Variants in GSTCD observed in about 807,000 individuals in gnomAD.
GSTCD encodes the protein glutathione S-transferase C-terminal domain containing.
A neutral mutation model predicts 68.3 loss-of-function variants in GSTCD; 44 were observed. The observed-to-expected ratio is 0.64, with a 90% CI of 0.51 to 0.83. The LOEUF is 0.83. Among genes scored for constraint, GSTCD ranks in the 40% least tolerant of loss-of-function variants. GSTCD has a pLI of 0.00. For synonymous variants in GSTCD, 273 were observed against 255.2 expected (o/e 1.07, Z -0.67); for missense variants, 739 against 735.9 (o/e 1.00, Z -0.05).
At chr4:105,767,928 ATG>A (rs202089389) in intron 5 of GSTCD, among the ~76,000 whole-genome samples, 157 of 47,946 alleles carry the variant, frequency 3.3e-3, no homozygotes, top group Non-Finnish European at 5.8e-3. Context: ...TGAGAAAATG[ATG>A]TGTTTTTTTT....
rs374790082 is a variant in GSTCD, at chr4:105,746,183, A to T, written c.1240+16684A>T. 45 of 152,316 alleles carry T rather than the reference A, an allele frequency of 3.0e-4. No homozygotes were observed. In the East Asian group the frequency reaches 4.4e-3, roughly 15 times the overall value. The allele number at this position is 152,316 out of a possible 1,614,324, so 9.4% of individuals were successfully genotyped here. On this transcript the variant is annotated intron_variant, in intron 5 of 11. Coordinates refer to ENST00000515279, the MANE Select transcript of GSTCD (RefSeq NM_001370181.1). Reference sequence around the variant, plus strand: ...AATAACCTAAACAGTTGATTGACACATATTTTATATGTTATATGTATTATA... The same window carrying T: ...AATAACCTAAACAGTTGATTGACACTTATTTTATATGTTATATGTATTATA...
chr4:105,749,948 A>AT (rs1733949864), intron 5 of GSTCD, among the ~76,000 whole-genome samples: 4 of 152,196 alleles, frequency 2.6e-5, no homozygotes, highest in Non-Finnish European at 5.9e-5. Flanking sequence ...TTGGATCAAG[A>AT]TATATAAAGA....
chr4:105,776,183 A>ACAC (rs962794933), intron 5 of GSTCD, among the ~76,000 whole-genome samples: 3 of 152,140 alleles, frequency 2.0e-5, no homozygotes, highest in African/African-American at 7.2e-5. Context: ...GTAATGGCAG[A>ACAC]CACCACTCCC....
chr4:105,736,785 A>T (rs889156421), intron 5 of GSTCD, among the ~76,000 whole-genome samples: 4 of 152,120 alleles, frequency 2.6e-5, no homozygotes, highest in Non-Finnish European at 4.4e-5. Context: ...CTCTAATTCT[A>T]TGAGACCAAC....
At chr4:105,819,453 A>G (rs1335575021) in intron 5 of GSTCD, among the ~76,000 whole-genome samples, 3 of 151,798 alleles carry the variant, frequency 2.0e-5, no homozygotes, top group African/African-American at 7.2e-5. Context: ...AACAGAAACT[A>G]TGTCTTCTTA....
At chr4:105,747,878 A>C (rs932699816) in intron 5 of GSTCD, among the ~76,000 whole-genome samples, 11 of 91,634 alleles carry the variant, frequency 1.2e-4, no homozygotes, top group African/African-American at 4.8e-4. Context: ...TCAGGTTGAC[A>C]GTGTAAACAG....
In GSTCD at chr4:105,719,369, C is replaced by G; in HGVS notation, c.736C>G (p.Leu246Val). 1.9e-6 allele frequency: 3 copies of G among 1,614,118 alleles called. No homozygotes were observed. The East Asian group carries it at 6.7e-5, about 36-fold the overall frequency. The change falls in exon 3 of 12, where the codon CTC (leucine) becomes GTC (valine). Residue 246 changes from leucine to valine, a missense_variant. By Grantham distance (32) the Leu-to-Val change is conservative. Coordinates refer to ENST00000515279, the MANE Select transcript of GSTCD (RefSeq NM_001370181.1). ...SLELKVAFSKLTVQEEPATTN... is the reference protein window; with the variant it reads ...SLELKVAFSKVTVQEEPATTN... ...GGAACTGAAAGTGGCATTCTCAAAG[C>G]TCACAGTACAGGAAGAACCAGCTAC...
chr4:105,712,866 A>G (rs993722738), intron 1 of GSTCD, among the ~76,000 whole-genome samples: 5 of 152,184 alleles, frequency 3.3e-5, no homozygotes, highest in Admixed American at 2.0e-4. Context: ...TTAGAAAAAC[A>G]TCCACATGGA....
At chr4:105,723,382 A>G (rs1488695478) in intron 3 of GSTCD, among the ~76,000 whole-genome samples, 1 of 151,898 alleles carries the variant, frequency 6.6e-6, no homozygotes, top group Non-Finnish European at 1.5e-5. Context: ...CAGATTTAAA[A>G]TATTTGGAAA....
chr4:105,742,952 CT>C (rs1206679533), intron 5 of GSTCD, among the ~76,000 whole-genome samples: 248 of 139,614 alleles, frequency 1.8e-3, no homozygotes, highest in Middle Eastern at 7.4e-3. Flanking sequence ...ATTTCTCTCT[CT>C]TTTTTTTTTT....
chr4:105,775,953 C>G (rs922831172), intron 5 of GSTCD, among the ~76,000 whole-genome samples: 2 of 152,186 alleles, frequency 1.3e-5, no homozygotes, highest in African/African-American at 2.4e-5. Flanking sequence ...CACAGCTGCC[C>G]CATCCCCCAG....
At chr4:105,767,021 A>C (rs1024603074) in intron 5 of GSTCD, among the ~76,000 whole-genome samples, 2 of 151,832 alleles carry the variant, frequency 1.3e-5, no homozygotes, top group African/African-American at 2.4e-5. Flanking sequence ...TGAGCAAAGA[A>C]TGATTCATGA....
chr4:105,813,464 G>T (rs1431475435), intron 5 of GSTCD, among the ~76,000 whole-genome samples: 1 of 152,070 alleles, frequency 6.6e-6, no homozygotes, highest in Non-Finnish European at 1.5e-5. Context: ...TTACCTTCAG[G>T]CTATTTGTAT....
intron 5 of GSTCD, among the ~76,000 whole-genome samples, chr4:105,732,558 G>GC (rs1372172026): frequency 6.6e-6 from 1 of 151,832 alleles, no homozygotes; most frequent in African/African-American, 2.4e-5. Context: ...ATTTTTTATT[G>GC]CATCTAGTTG....
intron 5 of GSTCD, among the ~76,000 whole-genome samples, chr4:105,813,887 C>T (rs1722856949): frequency 1.3e-5 from 2 of 152,108 alleles, no homozygotes; most frequent in Non-Finnish European, 2.9e-5. Context: ...TTCTCCAAAT[C>T]ATCACTTAAT....
chr4:105,824,144 A>T (rs1031799228), intron 7 of GSTCD, among the ~76,000 whole-genome samples: 1 of 152,172 alleles, frequency 6.6e-6, no homozygotes, highest in African/African-American at 2.4e-5. Context: ...GAAGAAAAAA[A>T]AATGTGGAAG....
chr4:105,791,357 C>T (rs1306669800), intron 5 of GSTCD, among the ~76,000 whole-genome samples: 1 of 145,018 alleles, frequency 6.9e-6, no homozygotes, highest in Non-Finnish European at 1.5e-5. Context: ...CGCGCCACTG[C>T]ACTCCAGCCT....
chr4:105,739,074 G>T (rs913401049), intron 5 of GSTCD, among the ~76,000 whole-genome samples: 1 of 152,110 alleles, frequency 6.6e-6, no homozygotes, highest in Non-Finnish European at 1.5e-5. Context: ...ACTGCATTTT[G>T]TGTATCTATT....
At chr4:105,821,067 G>A (rs1723263082) in intron 5 of GSTCD, 1 of 151,724 alleles carries the variant, frequency 6.6e-6, no homozygotes, top group South Asian at 2.1e-4. Context: ...ACTTCATGGT[G>A]GCTCCATTTA....
Sources: gnomAD v4.1 joint callset for allele counts (sites outside exome capture counted in the v4.1 genomes callset) on GRCh38, gnomAD v4.1.1 for gene constraint, MANE v1.5 for transcripts, NCBI Gene and HGNC (gene_info 2026-07-23, HGNC 2026-07-21) for gene names.